PDE4D: variants seen among roughly 807,000 people sequenced by gnomAD.
PDE4D encodes 3',5'-cyclic-AMP phosphodiesterase 4D.
In PDE4D, 24 loss-of-function variants were observed where a neutral mutation model predicts 87.4. That is an observed-to-expected ratio of 0.27 (90% CI 0.20 to 0.39). The LOEUF (loss-of-function observed/expected upper bound fraction) is 0.39. Ranked by LOEUF, PDE4D falls within the 10% of genes least tolerant of loss-of-function variation. The pLI, the probability that PDE4D is intolerant of heterozygous loss-of-function variation, is 1.00. For missense variants in PDE4D, 714 were observed against 1,041.0 expected, an observed-to-expected ratio of 0.69 and a Z score of 4.32; for synonymous variants, 384 against 383.2, an observed-to-expected ratio of 1.00 and a Z score of -0.02.
rs1211444444 is a variant in PDE4D at position 59,384,759 on chromosome 5, CT to C, written c.456-168792del. 2.7e-5 allele frequency among the ~76,000 whole-genome samples: 4 copies of C among 150,508 alleles called. No homozygotes were observed. In the Admixed American group the frequency reaches 2.7e-4, roughly 10 times the overall value. On this transcript the variant is annotated intron_variant, in intron 1 of 14. Transcript: ENST00000340635. ...TAACTCTATAATTCTAAGTAATATG[CT>C]TATACTGGGTTTTTTTTTCTTGATT...
At chr5:59,505,667 A>G (rs1809133570) in intron 1 of PDE4D, among the ~76,000 whole-genome samples, 2 of 152,212 alleles carry the variant, frequency 1.3e-5, no homozygotes. Context: ...AAACAGATCC[A>G]GCAGTTGTCA....
chr5:59,483,906 T>A (rs1804674571), intron 1 of PDE4D, among the ~76,000 whole-genome samples: 1 of 152,190 alleles, frequency 6.6e-6, no homozygotes, highest in African/African-American at 2.4e-5. Flanking sequence ...AAGCTAATTT[T>A]AACTAAGTGA....
intron 5 of PDE4D, among the ~76,000 whole-genome samples, chr5:59,132,472 A>T (rs1179359589): frequency 6.6e-6 from 1 of 152,228 alleles, no homozygotes; most frequent in African/African-American, 2.4e-5. Context: ...TATACATGTA[A>T]ATTGAAATAA....
intron 1 of PDE4D, among the ~76,000 whole-genome samples, chr5:60,457,154 A>G (rs1583827245): frequency 6.6e-6 from 1 of 152,340 alleles, no homozygotes; most frequent in South Asian, 2.1e-4. Context: ...AATACATAAA[A>G]GAGACGAGAC....
intron 1 of PDE4D, among the ~76,000 whole-genome samples, chr5:59,584,198 C>A (rs1340974470): frequency 6.6e-6 from 1 of 152,060 alleles, no homozygotes. Context: ...CCCCTACAAT[C>A]TCTTACTGCA....
intron 1 of PDE4D, among the ~76,000 whole-genome samples, chr5:60,314,098 G>C (rs573540832): frequency 8.6e-5 from 13 of 151,076 alleles, no homozygotes; most frequent in Non-Finnish European, 1.8e-4. Context: ...CAGAACAACA[G>C]GCAAGAGAAA....
intron 1 of PDE4D, among the ~76,000 whole-genome samples, chr5:59,372,918 G>A (rs940089528): frequency 6.6e-6 from 1 of 152,100 alleles, no homozygotes; most frequent in Non-Finnish European, 1.5e-5. Flanking sequence ...GGAGCTGAGT[G>A]TTGGACCCCT....
intron 1 of PDE4D, among the ~76,000 whole-genome samples, chr5:59,533,015 T>C (rs191153920): frequency 8.5e-5 from 13 of 152,356 alleles, no homozygotes; most frequent in Admixed American, 7.2e-4. Context: ...TGTTAGCAAG[T>C]ACTGCAGTGG....
chr5:59,390,947 G>T (rs1048083777), intron 1 of PDE4D, among the ~76,000 whole-genome samples: 3 of 152,132 alleles, frequency 2.0e-5, no homozygotes, highest in African/African-American at 7.2e-5. Context: ...CCCCACCCTT[G>T]AAAATACGTG....
intron 1 of PDE4D, among the ~76,000 whole-genome samples, chr5:59,420,932 A>G (rs1219066897): frequency 6.6e-6 from 1 of 152,154 alleles, no homozygotes; most frequent in African/African-American, 2.4e-5. Flanking sequence ...TTTACCTATC[A>G]TAAGGGTGAG....
At chr5:60,045,355 T>G (rs1471902856) in intron 2 of PDE4D, among the ~76,000 whole-genome samples, 1 of 152,180 alleles carries the variant, frequency 6.6e-6, no homozygotes, top group Non-Finnish European at 1.5e-5. Flanking sequence ...GTGCAGAAGC[T>G]CTTTAGTTTA....
chr5:60,093,104 G>C (rs1248620431), intron 2 of PDE4D, among the ~76,000 whole-genome samples: 1 of 152,198 alleles, frequency 6.6e-6, no homozygotes, highest in Non-Finnish European at 1.5e-5. Context: ...ATAAAGAAGT[G>C]AGAAGGAGAG....
chr5:60,168,032 C>T (rs1783087819), intron 2 of PDE4D, among the ~76,000 whole-genome samples: 1 of 152,116 alleles, frequency 6.6e-6, no homozygotes, highest in Non-Finnish European at 1.5e-5. Flanking sequence ...TCCCCCTGTC[C>T]AAGACTACTG....
chr5:59,255,055 C>A (rs1024849855), intron 1 of PDE4D, among the ~76,000 whole-genome samples: 1 of 152,074 alleles, frequency 6.6e-6, no homozygotes, highest in African/African-American at 2.4e-5. Context: ...AATTCCACTA[C>A]TAGGAATATA....
intron 1 of PDE4D, among the ~76,000 whole-genome samples, chr5:59,540,421 T>C (rs1429109978): frequency 6.6e-6 from 1 of 152,086 alleles, no homozygotes; most frequent in Non-Finnish European, 1.5e-5. Context: ...AAAAATTAAA[T>C]GGAAAAACAA....
rs141288994 is a variant in PDE4D at position 59,386,863 on chromosome 5, C to T, written c.456-170895G>A. On this transcript the variant is annotated intron_variant, in intron 1 of 14. Coordinates refer to ENST00000340635, the MANE Select transcript of PDE4D (RefSeq NM_001104631.2). ...TTAGCTGGAGAGGTAAAATGAATTG[C>T]TAAACACTTAAAAACCAGCATGACT... Among the ~76,000 whole-genome samples, 34 of 152,168 alleles carry T rather than the reference C, an allele frequency of 2.2e-4. No homozygotes were observed. The East Asian group carries it at 6.0e-3, about 27-fold the overall frequency.
At chr5:59,805,713 C>A (rs79087224) in intron 1 of PDE4D, among the ~76,000 whole-genome samples, 3 of 152,176 alleles carry the variant, frequency 2.0e-5, no homozygotes, top group African/African-American at 7.2e-5. Flanking sequence ...GATATTTAGT[C>A]CTTGGGATTC....
intron 1 of PDE4D, among the ~76,000 whole-genome samples, chr5:60,444,065 G>A (rs1314857058): frequency 6.6e-6 from 1 of 151,808 alleles, no homozygotes; most frequent in Non-Finnish European, 1.5e-5. Context: ...CAGGAAATAG[G>A]TCCTCCATGT....
At chr5:60,463,301 G>A (rs776968538) in intron 1 of PDE4D, among the ~76,000 whole-genome samples, 11 of 152,116 alleles carry the variant, frequency 7.2e-5, no homozygotes, top group South Asian at 2.1e-4. Flanking sequence ...TGTGTCTCCC[G>A]TGCTGCTTCT....
Sources: allele counts gnomAD v4.1 joint callset (sites outside exome capture counted in the v4.1 genomes callset), GRCh38; gene constraint gnomAD v4.1.1; transcripts MANE v1.5; gene names NCBI Gene and HGNC (gene_info 2026-07-23, HGNC 2026-07-21).